Variants in MPDZ observed in about 807,000 individuals in gnomAD.
MPDZ encodes multiple PDZ domain crumbs cell polarity complex component, also known as multiple PDZ domain protein.
Under a neutral mutation model 239.1 loss-of-function variants are expected in MPDZ, and 234 were observed. The ratio of observed to expected loss-of-function variants is 0.98; its 90% CI spans 0.88 to 1.09. MPDZ has a LOEUF of 1.09. Ranked by LOEUF, MPDZ falls within the 50% of genes least tolerant of loss-of-function variation. The probability of loss-of-function intolerance (pLI) is 0.00; values close to 1 mark genes in which losing one functional copy is unlikely to be tolerated. For missense variants in MPDZ, 3,175 were observed against 2,510.0 expected (o/e 1.26, Z -5.66); for synonymous variants, 1,048 against 881.3 (o/e 1.19, Z -3.35).
intron 19 of MPDZ, among the ~76,000 whole-genome samples, chr9:13,181,532 A>G (rs1554681223): frequency 1.3e-5 from 2 of 152,196 alleles, no homozygotes; most frequent in Non-Finnish European, 2.9e-5. Flanking sequence ...GAGTTTCACA[A>G]TGTGTTTTAA....
chr9:13,274,001 TG>T (rs1267874787), intron 1 of MPDZ, among the ~76,000 whole-genome samples: 1 of 152,170 alleles, frequency 6.6e-6, no homozygotes, highest in Admixed American at 6.5e-5. Flanking sequence ...TGAAATCTAT[TG>T]ATCAACAGCT....
rs141375316 is a variant in MPDZ, at chr9:13,275,321, T to C, written c.-58+4079A>G. Among the ~76,000 whole-genome samples, 45 of 152,246 alleles carry C rather than the reference T, an allele frequency of 3.0e-4. No homozygotes were observed. The East Asian group carries it at 4.6e-3, about 16-fold the overall frequency. ...TATGACTGGTTCCCTTATAAAAAAT[T>C]AGGCTATAGACATACACAGAGGGAG... is the stretch of plus-strand genomic sequence containing the variant. On this transcript the variant is annotated intron_variant, in intron 1 of 46. Transcript: ENST00000319217.
At chr9:13,133,945 T>G in intron 31 of MPDZ, 41 bp from the exon 32 acceptor site, 4 of 1,182,648 alleles carry the variant, frequency 3.4e-6, no homozygotes, top group Non-Finnish European at 4.6e-6. Context: ...CAACTGAGTG[T>G]TAGGAAATTT....
Position 13,115,268 on chromosome 9 carries a change from T to C in MPDZ, c.5446A>G (p.Arg1816Gly). Residue 1816 changes from arginine to glycine, a missense_variant, in exon 40 of 47, where the codon AGG becomes GGG. Arg to Gly is a moderately radical substitution (Grantham distance 125). Coordinates refer to ENST00000319217, the MANE Select transcript of MPDZ (RefSeq NM_001378778.1). ...CCCACCTGGCTGCTTTGAGATGGCC[T>C]CCTCTCTGAATGGAATGGACCAGCT... ...IKAGPFHSER[R>G]PSQSSQVSEG... The C allele has an allele frequency of 6.2e-7, 1 of 1,612,646 alleles. No individual in the cohort carries two copies. The highest frequency in any genetic ancestry group is 1.1e-5 in the South Asian group (1 of 91,038).
intron 3 of MPDZ, among the ~76,000 whole-genome samples, chr9:13,229,560 A>G (rs1449541317): frequency 2.0e-5 from 3 of 150,492 alleles, no homozygotes; most frequent in African/African-American, 4.9e-5. Context: ...TAGATTTTTC[A>G]TGCCACACAC....
rs114454663 is a variant in MPDZ at position 13,142,050 on chromosome 9, G to T, written c.3840+1416C>A. On this transcript the variant is annotated intron_variant, in intron 27 of 46. Coordinates refer to ENST00000319217, the MANE Select transcript of MPDZ (RefSeq NM_001378778.1). ...AAAGAGGAGCAAGGTATGTACTTTA[G>T]AATTTTTCTGGCTAAAAAAAATTTA... Among the ~76,000 whole-genome samples, 1,031 of 152,098 alleles carry T rather than the reference G, an allele frequency of 6.8e-3. 14 individuals carry two copies. Among genetic ancestry groups the T allele is most frequent in the African/African-American group, 0.024 (984 of 41,528 alleles).
chr9:13,128,571 T>C (rs1412959552), intron 32 of MPDZ, among the ~76,000 whole-genome samples: 2 of 152,200 alleles, frequency 1.3e-5, no homozygotes, highest in Admixed American at 6.5e-5. Context: ...AGACCATAAA[T>C]GCCTGCTGTT....
intron 43 of MPDZ, among the ~76,000 whole-genome samples, chr9:13,111,485 A>G (rs1421869048): frequency 1.3e-5 from 2 of 152,202 alleles, no homozygotes; most frequent in Non-Finnish European, 2.9e-5. Flanking sequence ...TTAATGGAAT[A>G]TTCATGTAAT....
chr9:13,162,146 C>G (rs1346251964), intron 23 of MPDZ, among the ~76,000 whole-genome samples: 1 of 152,090 alleles, frequency 6.6e-6, no homozygotes, highest in African/African-American at 2.4e-5. Context: ...CACCTATAAT[C>G]CCAGCTACCT....
At chr9:13,140,677 C>A (rs1947533711) in intron 27 of MPDZ, among the ~76,000 whole-genome samples, 1 of 151,562 alleles carries the variant, frequency 6.6e-6, no homozygotes, top group South Asian at 2.1e-4. Context: ...TACAAACTTT[C>A]CCTTCTAGAA....
chr9:13,198,151 C>T (rs186668216), intron 12 of MPDZ, among the ~76,000 whole-genome samples: 9 of 152,106 alleles, frequency 5.9e-5, no homozygotes, highest in South Asian at 2.1e-4. Context: ...TTTAACTGTT[C>T]GTTTTTTGAG....
intron 1 of MPDZ, among the ~76,000 whole-genome samples, chr9:13,252,936 T>C (rs1968493080): frequency 6.6e-6 from 1 of 152,298 alleles, no homozygotes; most frequent in South Asian, 2.1e-4. Flanking sequence ...CTTTTCTGAA[T>C]CTGAATCTCT....
intron 1 of MPDZ, among the ~76,000 whole-genome samples, chr9:13,260,685 G>A (rs1280071008): frequency 1.3e-5 from 2 of 152,150 alleles, no homozygotes; most frequent in Non-Finnish European, 2.9e-5. Context: ...GAGGAAGAGA[G>A]GAAAATCTGT....
chr9:13,198,737 C>CTCTGTGTGTGTGTGTGTGTG (rs755487892), intron 12 of MPDZ, among the ~76,000 whole-genome samples: 853 of 69,542 alleles, frequency 0.012, 20 homozygotes, highest in Non-Finnish European at 0.019. Context: ...ATCTCTCTCT[C>CTCTGTGTGTGTGTGTGTGTG]TGTGTGTGTG....
intron 46 of MPDZ, among the ~76,000 whole-genome samples, chr9:13,107,631 ACTG>A (rs1209260106): frequency 6.6e-6 from 1 of 152,122 alleles, no homozygotes; most frequent in Non-Finnish European, 1.5e-5. Flanking sequence ...TTTAAAACCC[ACTG>A]CTATTTCTTT....
chr9:13,215,899 C>G (rs2136089238), intron 10 of MPDZ, among the ~76,000 whole-genome samples: 1 of 147,760 alleles, frequency 6.8e-6, no homozygotes, highest in African/African-American at 2.5e-5. Flanking sequence ...TCCCAAGTAG[C>G]TAGGACTACA....
chr9:13,175,629 C>T, intron 21 of MPDZ, 123 bp downstream of exon 21: 3 of 1,027,790 alleles, frequency 2.9e-6, no homozygotes, highest in Non-Finnish European at 4.2e-6. Context: ...ATAAAAACTA[C>T]AGGAAAATTT....
At chr9:13,263,651 G>A (rs1971193031) in intron 1 of MPDZ, among the ~76,000 whole-genome samples, 1 of 152,128 alleles carries the variant, frequency 6.6e-6, no homozygotes, top group African/African-American at 2.4e-5. Flanking sequence ...TTACCAAGCT[G>A]TTTGAGATAC....
intron 1 of MPDZ, among the ~76,000 whole-genome samples, chr9:13,252,890 T>C (rs1968478536): frequency 6.6e-6 from 1 of 152,192 alleles, no homozygotes; most frequent in South Asian, 2.1e-4. Flanking sequence ...TGAATTTAAA[T>C]TTCAACTAGC....
Sources: gnomAD v4.1 joint callset for allele counts (sites outside exome capture counted in the v4.1 genomes callset) on GRCh38, gnomAD v4.1.1 for gene constraint, MANE v1.5 for transcripts, NCBI Gene and HGNC (gene_info 2026-07-23, HGNC 2026-07-21) for gene names.